FAM117B: variants seen among roughly 807,000 people sequenced by gnomAD.
The protein encoded by FAM117B is family with sequence similarity 117 member B, also known as protein FAM117B.
FAM117B carries 22 observed loss-of-function variants against 52.8 expected under a neutral mutation model. The ratio of observed to expected loss-of-function variants is 0.42; its 90% CI spans 0.30 to 0.59. The LOEUF (loss-of-function observed/expected upper bound fraction) is 0.59, where lower values mean the gene tolerates loss of function less well. Ranked by LOEUF, FAM117B falls within the 20% of genes least tolerant of loss-of-function variation. FAM117B has a pLI of 0.22. For missense variants in FAM117B, 678 were observed against 802.6 expected, an observed-to-expected ratio of 0.84 and a Z score of 1.88; for synonymous variants, 309 against 324.1, an observed-to-expected ratio of 0.95 and a Z score of 0.50.
intron 1 of FAM117B, among the ~76,000 whole-genome samples, chr2:202,643,297 T>C (rs1280378153): frequency 6.6e-6 from 1 of 152,084 alleles, no homozygotes; most frequent in Non-Finnish European, 1.5e-5. Flanking sequence ...TAAATGTAGA[T>C]GGAGCAAGGT....
intron 1 of FAM117B, among the ~76,000 whole-genome samples, chr2:202,688,506 A>C (rs1690577167): frequency 2.0e-5 from 3 of 152,152 alleles, no homozygotes. Flanking sequence ...AAAGAAAAGG[A>C]AACTATAATG....
chr2:202,745,890 G>C lies in FAM117B; in HGVS notation c.961-9648G>C, dbSNP rs139282188. On this transcript the variant is annotated intron_variant, in intron 4 of 7. Transcript: ENST00000392238. The stretch of plus-strand genomic sequence containing the variant: ...AATGATAAAGGGATTAATTCAGCAA[G>C]AGGATATAACAATTGTAAATATATA... Among the ~76,000 whole-genome samples, 415 of 152,294 alleles carry C rather than the reference G, an allele frequency of 2.7e-3. 9 individuals carry two copies. Among genetic ancestry groups the C allele is most frequent in the Non-Finnish European group, 4.6e-4 (31 of 68,030 alleles).
In FAM117B at chr2:202,655,707, TGAGAGAGAGAGAGAGAGAGAGAGA is replaced by T. The variant is rs60423652; in HGVS notation, c.601+19951_601+19974del. ...GCCTGGAGTGGGTGCGGGAAGAGAG[TGAGAGAGAGAGAGAGAGAGAGAGA>T]GAGAGAGAGAGAGAGAGAGAGAGAG... On this transcript the variant is annotated intron_variant, in intron 1 of 7. Transcript: ENST00000392238. Among the ~76,000 whole-genome samples, 13 of 98,894 alleles carry T rather than the reference TGAGAGAGAGAGAGAGAGAGAGAGA, an allele frequency of 1.3e-4. No homozygotes were observed. The East Asian group carries it at 1.7e-3, about 13-fold the overall frequency. The allele number at this position is 98,894 out of a possible 152,430, so 64.9% of individuals were successfully genotyped here.
chr2:202,661,862 G>A (rs946450125), intron 1 of FAM117B, among the ~76,000 whole-genome samples: 1 of 150,200 alleles, frequency 6.7e-6, no homozygotes, highest in Non-Finnish European at 1.5e-5. Flanking sequence ...GTTGCAGTGA[G>A]CCGAGATCAT....
At chr2:202,747,566 CA>C (rs901567461) in intron 4 of FAM117B, among the ~76,000 whole-genome samples, 6 of 151,558 alleles carry the variant, frequency 4.0e-5, no homozygotes, top group Non-Finnish European at 5.9e-5. Context: ...CAAAAGACTA[CA>C]AAAAAAATCA....
At chr2:202,754,478 A>T (rs1238461050) in intron 4 of FAM117B, among the ~76,000 whole-genome samples, 1 of 152,158 alleles carries the variant, frequency 6.6e-6, no homozygotes, top group Non-Finnish European at 1.5e-5. Context: ...CTGCACATGT[A>T]TCTTATTTTT....
chr2:202,642,873 G>GAA (rs1320922750), intron 1 of FAM117B, among the ~76,000 whole-genome samples: 1 of 152,156 alleles, frequency 6.6e-6, no homozygotes, highest in African/African-American at 2.4e-5. Flanking sequence ...AGGGTAGAAA[G>GAA]AAAAGCCAGT....
At chr2:202,728,026 T>G (rs1469922811) in intron 4 of FAM117B, among the ~76,000 whole-genome samples, 2 of 150,512 alleles carry the variant, frequency 1.3e-5, no homozygotes, top group Non-Finnish European at 2.9e-5. Flanking sequence ...TCACCCAGGC[T>G]GGAGTGCAGC....
Position 202,691,539 on chromosome 2 carries a change from G to A in FAM117B, c.602-4342G>A, listed in dbSNP as rs1283840741. Among the ~76,000 whole-genome samples the A allele has an allele frequency of 3.9e-5, 6 of 152,030 alleles. No homozygotes were observed. In the South Asian group the frequency reaches 6.2e-4, roughly 16 times the overall value. On this transcript the variant is annotated intron_variant, in intron 1 of 7. Coordinates refer to ENST00000392238, the MANE Select transcript of FAM117B (RefSeq NM_173511.4). ...GAAATCAGACCCATTAGTAAGGTCT[G>A]TTGAATTAATGTACCGGTAGGCAAC...
At chr2:202,668,160 A>G (rs1359540665) in intron 1 of FAM117B, among the ~76,000 whole-genome samples, 2 of 142,100 alleles carry the variant, frequency 1.4e-5, no homozygotes, top group Non-Finnish European at 3.0e-5. Flanking sequence ...ATATATAATT[A>G]TATAATACAT....
intron 4 of FAM117B, among the ~76,000 whole-genome samples, chr2:202,741,765 T>A (rs1691544112): frequency 6.6e-6 from 1 of 152,148 alleles, no homozygotes; most frequent in South Asian, 2.1e-4. Flanking sequence ...CTCGATCTCC[T>A]GACCTCGTGA....
In FAM117B at chr2:202,635,612, C is replaced by A; in HGVS notation, c.425C>A (p.Pro142Gln). ...CGCGGGAGCCCCCCACGGCCGCCGC[C>A]GCCGCCGCCGCTGCTGGGCACCGTG... ...GARGSPPRPP[P>Q]PPPLLGTVSS... The change falls in exon 1 of 8, where the codon CCG (proline) becomes CAG (glutamine). Residue 142 changes from proline (P) to glutamine (Q), a missense_variant. Coordinates refer to ENST00000392238, the MANE Select transcript of FAM117B (RefSeq NM_173511.4). 7.8e-7 allele frequency: 1 copy of A among 1,288,294 alleles called. No homozygotes were observed. The highest frequency in any genetic ancestry group is 9.8e-7 in the Non-Finnish European group (1 of 1,023,502). 79.8% of individuals were successfully genotyped at this position (1,288,294 alleles called of 1,614,324 possible). A position where few individuals can be genotyped will look rare whatever the true frequency, so the allele number is the denominator to read the frequency against.
chr2:202,690,438 G>T (rs560840764), intron 1 of FAM117B, among the ~76,000 whole-genome samples: 1 of 152,262 alleles, frequency 6.6e-6, no homozygotes, highest in East Asian at 1.9e-4. Flanking sequence ...CACTGGGATG[G>T]GGGGTGGGAA....
chr2:202,715,233 G>A (rs1299539419), intron 2 of FAM117B, among the ~76,000 whole-genome samples: 6 of 150,608 alleles, frequency 4.0e-5, no homozygotes, highest in Admixed American at 2.6e-4. Flanking sequence ...CCTCCCGGAC[G>A]GGGCGGCTGG....
intron 1 of FAM117B, among the ~76,000 whole-genome samples, chr2:202,665,080 G>A (rs1690183053): frequency 6.6e-6 from 1 of 152,118 alleles, no homozygotes; most frequent in African/African-American, 2.4e-5. Context: ...TGAGGTGATA[G>A]GACTGAGATG....
chr2:202,635,175 G>C lies in FAM117B; in HGVS notation c.-13G>C. The C allele has an allele frequency of 7.9e-7, 1 of 1,269,580 alleles. No homozygotes were observed. The highest frequency in any genetic ancestry group is 3.1e-5 in the East Asian group (1 of 31,878). The allele number at this position is 1,269,580 out of a possible 1,614,324, so 78.6% of individuals were successfully genotyped here. ...CCCCCCGTCTCGCCCAGTCACCGGG[G>C]AGGGGGGGGACCATGTCCCAGCGGG... On this transcript the variant is annotated 5_prime_UTR_variant, in exon 1 of 8. Transcript: ENST00000392238.
At chr2:202,723,817 A>G (rs1691188687) in intron 2 of FAM117B, among the ~76,000 whole-genome samples, 1 of 152,142 alleles carries the variant, frequency 6.6e-6, no homozygotes, top group Non-Finnish European at 1.5e-5. Context: ...CAGTTTGCGC[A>G]TTTATAACTT....
In FAM117B at chr2:202,768,266, C is replaced by A. The variant is rs1425306626; in HGVS notation, c.*2502C>A. ...TTGTGCCTATTTGTCTAATTCATAT[C>A]TTTCTGTGGAGTTTCATATGTCCTT... is the stretch of plus-strand genomic sequence containing the variant. On this transcript the variant is annotated 3_prime_UTR_variant, in exon 8 of 8. Coordinates refer to ENST00000392238, the MANE Select transcript of FAM117B (RefSeq NM_173511.4). The A allele has an allele frequency of 2.0e-5, 3 of 152,142 alleles. No homozygotes were observed. Among genetic ancestry groups the A allele is most frequent in the East Asian group, 1.9e-4 (1 of 5,196 alleles). The allele number at this position is 152,142 out of a possible 1,614,324, so 9.4% of individuals were successfully genotyped here. A position where few individuals can be genotyped will look rare whatever the true frequency, so the allele number is the denominator to read the frequency against.
In FAM117B at chr2:202,677,054, GTTTCT is replaced by G. The variant is rs1690388173; in HGVS notation, c.602-18818_602-18814del. Among the ~76,000 whole-genome samples the G allele has an allele frequency of 2.7e-5, 4 of 150,230 alleles. No individual in the cohort carries two copies. In the South Asian group the frequency reaches 8.4e-4, roughly 32 times the overall value. The stretch of plus-strand genomic sequence containing the variant: ...AACTGAGTGTTACTAAACCAAAGAG[GTTTCT>G]TTTCTTTTTTTTTTTTTTTCCTTTC... On this transcript the variant is annotated intron_variant, in intron 1 of 7. Coordinates refer to ENST00000392238, the MANE Select transcript of FAM117B (RefSeq NM_173511.4).
Sources: gnomAD v4.1 joint callset for allele counts (sites outside exome capture counted in the v4.1 genomes callset) on GRCh38, gnomAD v4.1.1 for gene constraint, MANE v1.5 for transcripts, NCBI Gene and HGNC (gene_info 2026-07-23, HGNC 2026-07-21) for gene names.